Variants in NID2 observed in about 807,000 individuals in gnomAD.
NID2 encodes the protein nidogen-2.
Under a neutral mutation model 145.4 loss-of-function variants are expected in NID2, and 83 were observed. The ratio of observed to expected loss-of-function variants is 0.57; its 90% CI spans 0.48 to 0.69. The LOEUF (loss-of-function observed/expected upper bound fraction) is 0.69. Ranked by LOEUF, NID2 falls within the 30% of genes least tolerant of loss-of-function variation. The pLI, the probability that NID2 is intolerant of heterozygous loss-of-function variation, is 0.00. For synonymous variants in NID2, 739 were observed against 701.3 expected (o/e 1.05, Z -0.85); for missense variants, 1,807 against 1,765.7 (o/e 1.02, Z -0.42).
chr14:52,040,447 T>C (rs1352775038), intron 8 of NID2, among the ~76,000 whole-genome samples: 1 of 152,202 alleles, frequency 6.6e-6, no homozygotes, highest in Non-Finnish European at 1.5e-5. Context: ...TGTAGGGATA[T>C]AGATATTCTT....
chr14:52,066,528 G>A (rs527896145), intron 2 of NID2, among the ~76,000 whole-genome samples: 21 of 152,134 alleles, frequency 1.4e-4, no homozygotes, highest in Admixed American at 1.2e-3. Flanking sequence ...TGATTATTAC[G>A]TATTGCATGC....
intron 2 of NID2, among the ~76,000 whole-genome samples, chr14:52,061,967 A>G (rs559531495): frequency 2.0e-5 from 3 of 152,354 alleles, no homozygotes; most frequent in African/African-American, 7.2e-5. Context: ...TTTACTGGTA[A>G]GTATCATTAC....
At chr14:52,012,729 TAA>T (rs952845122) in intron 16 of NID2, among the ~76,000 whole-genome samples, 1 of 151,958 alleles carries the variant, frequency 6.6e-6, no homozygotes, top group Admixed American at 6.6e-5. Flanking sequence ...ATAATAAAAA[TAA>T]AAAAAATGCT....
intron 2 of NID2, among the ~76,000 whole-genome samples, chr14:52,063,715 C>G (rs962032470): frequency 6.6e-6 from 1 of 152,204 alleles, no homozygotes; most frequent in African/African-American, 2.4e-5. Flanking sequence ...CACATGTCCT[C>G]TAGAGCTCTA....
chr14:52,006,649 G>C lies in NID2; in HGVS notation c.3892C>G (p.Leu1298Val), dbSNP rs924194084. 3.6e-5 allele frequency: 58 copies of C among 1,613,178 alleles called. No homozygotes were observed. The highest frequency in any genetic ancestry group is 4.7e-5 in the Non-Finnish European group (56 of 1,179,562). ...LCWADAGTKKLECTLPDGTGR... is the reference protein window; with the variant it reads ...LCWADAGTKKVECTLPDGTGR... ...GTTCCATCAGGTAGTGTACACTCCAGTTTTTTGGTTCCTTTTAAAACAAAG... is the reference window on the plus strand; with the variant it reads ...GTTCCATCAGGTAGTGTACACTCCACTTTTTTGGTTCCTTTTAAAACAAAG... Residue 1298 changes from leucine to valine, a missense_variant, in exon 20 of 22, where the codon CTG (leucine) becomes GTG (valine). Transcript: ENST00000216286.
Position 52,042,352 on chromosome 14 carries a change from TA to T in NID2, c.1580-3del. 1 of 1,603,978 alleles carries T rather than the reference TA, an allele frequency of 6.2e-7. No individual in the cohort carries two copies. Among genetic ancestry groups the T allele is most frequent in the Non-Finnish European group, 8.5e-7 (1 of 1,172,392 alleles). ...TCCCATTCACTCGGTGAGGTGCCCC[TA>T]AAAGACAGCAAATCCAGTTAGGCTT... On this transcript the variant is annotated splice_polypyrimidine_tract_variant and splice_region_variant and intron_variant, in intron 6 of 21. Transcript: ENST00000216286.
chr14:52,014,500 G>A (rs1284824869), intron 15 of NID2, 44 bp from the exon 16 acceptor site: 1 of 1,559,026 alleles, frequency 6.4e-7, no homozygotes, highest in Non-Finnish European at 8.7e-7. Context: ...AACAAGGGCA[G>A]GCAGGGAGAT....
chr14:52,014,063 A>G, intron 16 of NID2: 1 of 604,892 alleles, frequency 1.7e-6, no homozygotes, highest in South Asian at 1.9e-5. Context: ...CTGAAACTCC[A>G]TGAACGAACC....
intron 9 of NID2, among the ~76,000 whole-genome samples, chr14:52,030,313 C>T (rs956360284): frequency 2.0e-5 from 3 of 151,966 alleles, no homozygotes; most frequent in African/African-American, 4.8e-5. Context: ...CACTAGGTAG[C>T]GATTACTTAA....
At chr14:52,005,550 A>C in intron 21 of NID2, 54 bp from the exon 22 acceptor site, 1 of 1,570,022 alleles carries the variant, frequency 6.4e-7, no homozygotes, top group East Asian at 2.2e-5. Flanking sequence ...TATTGTAACC[A>C]AGTTGCAACA....
chr14:52,030,481 AAAAG>A (rs1555363675), intron 9 of NID2, among the ~76,000 whole-genome samples: 47 of 115,382 alleles, frequency 4.1e-4, no homozygotes, highest in African/African-American at 1.3e-3. Context: ...CGAGAGAAAG[AAAAG>A]AAAGAAAGAA....
intron 5 of NID2, among the ~76,000 whole-genome samples, chr14:52,048,973 C>T (rs1278638248): frequency 6.6e-6 from 1 of 152,120 alleles, no homozygotes; most frequent in East Asian, 1.9e-4. Flanking sequence ...GTTTCTAGTC[C>T]ATGGCCTCCT....
chr14:52,052,800 C>T (rs1892719656), intron 5 of NID2, among the ~76,000 whole-genome samples: 1 of 152,216 alleles, frequency 6.6e-6, no homozygotes, highest in Admixed American at 6.5e-5. Context: ...CTGGAACAAA[C>T]AATCTGGAGT....
At chr14:52,048,657 T>C (rs2140414460) in intron 5 of NID2, among the ~76,000 whole-genome samples, 1 of 152,302 alleles carries the variant, frequency 6.6e-6, no homozygotes, top group Non-Finnish European at 1.5e-5. Flanking sequence ...AACAATCTTC[T>C]GGCTCTAAAT....
chr14:52,013,474 C>T (rs189019409), intron 16 of NID2, among the ~76,000 whole-genome samples: 30 of 152,262 alleles, frequency 2.0e-4, no homozygotes, highest in Admixed American at 1.8e-3. Context: ...AAATAAGTGT[C>T]GTTCATTAAC....
In NID2 at chr14:52,027,302, G is replaced by T; in HGVS notation, c.2573C>A (p.Thr858Asn). 1.3e-6 allele frequency: 2 copies of T among 1,593,660 alleles called. No individual in the cohort carries two copies. The highest frequency in any genetic ancestry group is 1.7e-6 in the Non-Finnish European group (2 of 1,170,974). ...CCGGGCCTGCCCAGCAGGAGCACAG[G>T]TATGACTGCCATCCTCACAGGGGTT... ...PANPCEDGSH[T>N]CAPAGQARCV... Residue 858 changes from threonine (T) to asparagine (N), a missense_variant, in exon 12 of 22, where the codon ACC (threonine) becomes AAC (asparagine). Physicochemically the swap from Thr to Asn is moderately conservative, Grantham distance 65. Transcript: ENST00000216286.
intron 5 of NID2, among the ~76,000 whole-genome samples, chr14:52,052,741 C>A (rs747792059): frequency 1.3e-5 from 2 of 152,198 alleles, no homozygotes; most frequent in Non-Finnish European, 2.9e-5. Flanking sequence ...CAGAACAAAG[C>A]AGTCACCTCT....
rs1466786474 is a variant in NID2 at position 52,015,190 on chromosome 14, CTG to C, written c.3112_3113del (p.Gln1038ValfsTer7). 1 of 1,614,018 alleles carries C rather than the reference CTG, an allele frequency of 6.2e-7. No homozygotes were observed. Among genetic ancestry groups the C allele is most frequent in the African/African-American group, 1.3e-5 (1 of 74,926 alleles). ...EHYGGTPRDD[Q>X]YVPQCDDLGH... ...CCAGGTCATCGCACTGGGGCACGTA[CTG>C]GTCATCCCGGGGGGTGCCACCGTAG... On this transcript the variant is annotated frameshift_variant, in exon 15 of 22. Coordinates refer to ENST00000216286, the MANE Select transcript of NID2 (RefSeq NM_007361.4). LOFTEE classifies it high-confidence loss of function.
chr14:52,013,971 G>C (rs1454155867), intron 16 of NID2, among the ~76,000 whole-genome samples: 1 of 152,246 alleles, frequency 6.6e-6, no homozygotes, highest in Non-Finnish European at 1.5e-5. Flanking sequence ...TGGGGACTTA[G>C]GGTAAGAGTC....
Sources: gnomAD v4.1 joint callset for allele counts (sites outside exome capture counted in the v4.1 genomes callset) on GRCh38, gnomAD v4.1.1 for gene constraint, MANE v1.5 for transcripts, NCBI Gene and HGNC (gene_info 2026-07-23, HGNC 2026-07-21) for gene names.